SLC22A25: variants seen among roughly 807,000 people sequenced by gnomAD.
SLC22A25 encodes MGI:2442751, MGI:2385316, MGI:3042283, MGI:3645714, MGI:3605624, MGI:2442750.
In SLC22A25, 44 loss-of-function variants were observed where a neutral mutation model predicts 45.9. That is an observed-to-expected ratio of 0.96 (90% CI 0.75 to 1.23). The LOEUF is 1.23. SLC22A25 is among the 50% of genes most tolerant of loss of function. The pLI is 0.00. For missense variants in SLC22A25, 800 were observed against 666.4 expected (o/e 1.20, Z -2.21); for synonymous variants, 283 against 238.6 (o/e 1.19, Z -1.72).
rs929719013 is a variant in SLC22A25 at position 63,161,737 on chromosome 11, T to C, written c.*2087A>G. Among the ~76,000 whole-genome samples the C allele has an allele frequency of 3.9e-5, 6 of 152,336 alleles. No individual in the cohort carries two copies. The highest frequency in any genetic ancestry group is 1.4e-4 in the African/African-American group (6 of 41,580). ...CCTCTTTCCTTTGTAAATTATCCAG[T>C]CTCAGGTATGTTTTTAACAGCAGCT... On this transcript the variant is annotated 3_prime_UTR_variant, in exon 12 of 12. Coordinates refer to ENST00000306494, the MANE Select transcript of SLC22A25 (RefSeq NM_199352.6).
At position 63,180,736 on chromosome 11, in the gene SLC22A25, G is replaced by A. The variant is rs771995855; in HGVS notation, c.994C>T (p.Gln332Ter). Residue 332 changes from glutamine (Q) to a stop codon, truncating the protein, a stop_gained, in exon 9 of 12, where the codon CAG becomes TAG. Transcript: ENST00000306494. LOFTEE classifies it high-confidence loss of function. ...AATTCACAAAGAGAATGCTTTTTCTGTGCTGCCTCCAGTTCTTGCTTCATG... is the reference window on the plus strand; with the variant it reads ...AATTCACAAAGAGAATGCTTTTTCTATGCTGCCTCCAGTTCTTGCTTCATG... ...STMKQELEAAQKKHSLCELLR... is the reference protein window; with the variant it reads ...STMKQELEAA 6.2e-7 allele frequency: 1 copy of A among 1,613,168 alleles called. No homozygotes were observed. The highest frequency in any genetic ancestry group is 1.3e-5 in the African/African-American group (1 of 74,974).
chr11:63,190,641 GT>G (rs35402532), intron 7 of SLC22A25, among the ~76,000 whole-genome samples: 3,299 of 151,434 alleles, frequency 0.022, 117 homozygotes, highest in African/African-American at 0.075. Flanking sequence ...AGAGTTTCCA[GT>G]TTTTTTTACT....
At chr11:63,164,502 C>G in intron 11 of SLC22A25, 24 bp downstream of exon 11, 1 of 1,586,160 alleles carries the variant, frequency 6.3e-7, no homozygotes. Flanking sequence ...TTGAGAATGA[C>G]AGAGCACACA....
At chr11:63,182,660 T>C (rs765991940) in intron 8 of SLC22A25, among the ~76,000 whole-genome samples, 4 of 152,002 alleles carry the variant, frequency 2.6e-5, no homozygotes, top group Non-Finnish European at 5.9e-5. Flanking sequence ...CTGTGGGAAA[T>C]ATTTATTTCT....
chr11:63,191,981 A>G (rs1460271000), intron 7 of SLC22A25, among the ~76,000 whole-genome samples: 2 of 152,196 alleles, frequency 1.3e-5, no homozygotes, highest in South Asian at 2.1e-4. Context: ...AAATGCACAG[A>G]ATTCCAGTAA....
chr11:63,214,383 C>T (rs558027566), intron 7 of SLC22A25, among the ~76,000 whole-genome samples: 2 of 151,752 alleles, frequency 1.3e-5, no homozygotes, highest in African/African-American at 4.8e-5. Flanking sequence ...ATAAAAAGCA[C>T]CAAAGGAAGG....
At chr11:63,186,865 C>A (rs1378950447) in intron 7 of SLC22A25, among the ~76,000 whole-genome samples, 6 of 151,850 alleles carry the variant, frequency 4.0e-5, no homozygotes, top group African/African-American at 1.5e-4. Flanking sequence ...AGATATGTGG[C>A]ATTATTTCTG....
At chr11:63,184,393 T>A (rs1040734467) in intron 7 of SLC22A25, among the ~76,000 whole-genome samples, 2 of 152,132 alleles carry the variant, frequency 1.3e-5, no homozygotes, top group African/African-American at 4.8e-5. Flanking sequence ...AGGAGTACAC[T>A]TTCTCTCTAT....
At chr11:63,199,886 A>T (rs924615474) in intron 7 of SLC22A25, among the ~76,000 whole-genome samples, 6 of 151,848 alleles carry the variant, frequency 4.0e-5, no homozygotes, top group Non-Finnish European at 8.8e-5. Flanking sequence ...TTGCTTGTTG[A>T]TACTGTGCTG....
intron 7 of SLC22A25, among the ~76,000 whole-genome samples, chr11:63,186,996 T>G: frequency 6.6e-6 from 1 of 152,164 alleles, no homozygotes; most frequent in Non-Finnish European, 1.5e-5. Flanking sequence ...CCCGCTTTGT[T>G]CTTTTGGCTT....
At chr11:63,188,278 G>T (rs533395228) in intron 7 of SLC22A25, among the ~76,000 whole-genome samples, 1 of 152,210 alleles carries the variant, frequency 6.6e-6, no homozygotes, top group Non-Finnish European at 1.5e-5. Context: ...TCTTGGGAGG[G>T]TGGATGTGTC....
At position 63,229,252 on chromosome 11, in the gene SLC22A25, T is replaced by G. The variant is rs772143274; in HGVS notation, c.401A>C (p.Lys134Thr). ...QSSFPSTIVT[K>T]WDLVCESQPL... is the part of the protein sequence containing the mutation. ...AGAGAGGAAAATGAGGCCTCTTACC[T>G]TAGTCACAATGGTGGAAGGGAAGGA... Residue 134 changes from lysine (K) to threonine (T), a missense_variant and splice_region_variant, in exon 4 of 12, where the codon AAG becomes ACG. Lys to Thr is a moderately conservative substitution (Grantham distance 78). Coordinates refer to ENST00000306494, the MANE Select transcript of SLC22A25 (RefSeq NM_199352.6). 1.3e-6 allele frequency: 2 copies of G among 1,523,386 alleles called. No individual in the cohort carries two copies. The highest frequency in any genetic ancestry group is 1.8e-6 in the Non-Finnish European group (2 of 1,133,568). The allele number at this position is 1,523,386 out of a possible 1,614,324, so 94.4% of individuals were successfully genotyped here.
intron 3 of SLC22A25, among the ~76,000 whole-genome samples, chr11:63,236,044 T>C (rs2090156672): frequency 6.6e-6 from 1 of 152,148 alleles, no homozygotes; most frequent in African/African-American, 2.4e-5. Flanking sequence ...GAGGTGTCAG[T>C]CCACCCCTAA....
Position 63,238,829 on chromosome 11 carries a change from G to T in SLC22A25, c.-689C>A. The T allele has an allele frequency of 4.0e-6, 1 of 252,650 alleles. No individual in the cohort carries two copies. The allele number at this position is 252,650 out of a possible 1,614,324, so 15.7% of individuals were successfully genotyped here. ...AATGTCCCATTCAGGTGAAGGAGCT[G>T]CCACTGGGGATGGATGAAGTGACAA... On this transcript the variant is annotated 5_prime_UTR_variant, in exon 2 of 12. Transcript: ENST00000306494.
At chr11:63,185,761 T>C (rs1219041393) in intron 7 of SLC22A25, among the ~76,000 whole-genome samples, 2 of 145,208 alleles carry the variant, frequency 1.4e-5, no homozygotes, top group Non-Finnish European at 3.0e-5. Context: ...ATCTCGTTGT[T>C]CAATTCCCAC....
At chr11:63,194,760 C>T (rs937849804) in intron 7 of SLC22A25, among the ~76,000 whole-genome samples, 2 of 151,728 alleles carry the variant, frequency 1.3e-5, no homozygotes, top group African/African-American at 4.8e-5. Flanking sequence ...TTAAAAGACA[C>T]AGACTGGCAA....
intron 9 of SLC22A25, among the ~76,000 whole-genome samples, chr11:63,176,418 T>C (rs933307284): frequency 7.2e-5 from 11 of 151,996 alleles, no homozygotes; most frequent in Non-Finnish European, 1.3e-4. Context: ...GTACAAGTCT[T>C]TTGCCTCCTT....
intron 7 of SLC22A25, among the ~76,000 whole-genome samples, chr11:63,206,387 C>A (rs1308010): frequency 2.6e-5 from 4 of 151,972 alleles, no homozygotes; most frequent in Admixed American, 6.5e-5. Flanking sequence ...TTAGAAAACC[C>A]CATTGTCTCA....
chr11:63,228,832 C>T lies in SLC22A25; in HGVS notation c.403-268G>A, dbSNP rs188551235. ...CCACACAGTGAAATCATTTGAGAAC[C>T]TTTAAATATTTTTGGTTGCCTAAAT... On this transcript the variant is annotated intron_variant, in intron 4 of 11. Coordinates refer to ENST00000306494, the MANE Select transcript of SLC22A25 (RefSeq NM_199352.6). Among the ~76,000 whole-genome samples the T allele has an allele frequency of 2.0e-3, 306 of 152,222 alleles. 1 individual carries two copies. The highest frequency in any genetic ancestry group is 6.9e-3 in the African/African-American group (285 of 41,550).
Sources: allele counts gnomAD v4.1 joint callset (sites outside exome capture counted in the v4.1 genomes callset), GRCh38; gene constraint gnomAD v4.1.1; transcripts MANE v1.5; gene names NCBI Gene and HGNC (gene_info 2026-07-23, HGNC 2026-07-21).